Variants in CADPS2 observed in about 807,000 individuals in gnomAD.
CADPS2 encodes the protein calcium dependent secretion activator 2, also known as calcium-dependent secretion activator 2.
Under a neutral mutation model 172.5 loss-of-function variants are expected in CADPS2, and 93 were observed. That is an observed-to-expected ratio of 0.54 (90% CI 0.46 to 0.64). The LOEUF (loss-of-function observed/expected upper bound fraction) is 0.64. Among genes scored for constraint, CADPS2 ranks in the 30% least tolerant of loss-of-function variants. The pLI is 0.00. For missense variants in CADPS2, 1,420 were observed against 1,565.9 expected, an observed-to-expected ratio of 0.91 and a Z score of 1.57; for synonymous variants, 546 against 555.2, an observed-to-expected ratio of 0.98 and a Z score of 0.23.
chr7:122,860,583 C>A (rs1011414610), intron 1 of CADPS2, among the ~76,000 whole-genome samples: 1 of 151,756 alleles, frequency 6.6e-6, no homozygotes, highest in Admixed American at 6.6e-5. Context: ...TTAGAACCCC[C>A]AAGGATAAAG....
At chr7:122,578,542 C>T (rs976371258) in intron 7 of CADPS2, among the ~76,000 whole-genome samples, 6 of 152,050 alleles carry the variant, frequency 3.9e-5, no homozygotes, top group Non-Finnish European at 7.4e-5. Flanking sequence ...CCCTGCACCC[C>T]TGGGGTTTCT....
intron 3 of CADPS2, among the ~76,000 whole-genome samples, chr7:122,654,956 C>A (rs570746462): frequency 6.6e-6 from 1 of 152,160 alleles, no homozygotes; most frequent in Non-Finnish European, 1.5e-5. Context: ...CCAATCCTCA[C>A]AGACGACTTT....
intron 5 of CADPS2, among the ~76,000 whole-genome samples, chr7:122,619,300 T>G (rs1405008942): frequency 6.6e-6 from 1 of 152,146 alleles, no homozygotes; most frequent in Non-Finnish European, 1.5e-5. Context: ...ATAAAAGTTA[T>G]TTGCTCTACA....
At chr7:122,645,043 T>C (rs1250727267) in intron 3 of CADPS2, among the ~76,000 whole-genome samples, 1 of 151,834 alleles carries the variant, frequency 6.6e-6, no homozygotes, top group Non-Finnish European at 1.5e-5. Flanking sequence ...TAATTAGATA[T>C]AAAATTACCC....
intron 6 of CADPS2, among the ~76,000 whole-genome samples, chr7:122,608,594 T>A (rs941423907): frequency 9.9e-5 from 15 of 152,200 alleles, no homozygotes; most frequent in Admixed American, 3.3e-4. Flanking sequence ...TCTATCATAA[T>A]ATCCATAAAT....
At chr7:122,673,284 C>T (rs1218198098) in intron 2 of CADPS2, among the ~76,000 whole-genome samples, 3 of 152,214 alleles carry the variant, frequency 2.0e-5, no homozygotes, top group Non-Finnish European at 4.4e-5. Flanking sequence ...GCTTTTATTC[C>T]TTTATCTGGC....
At chr7:122,722,541 A>G (rs1183596390) in intron 2 of CADPS2, among the ~76,000 whole-genome samples, 1 of 151,694 alleles carries the variant, frequency 6.6e-6, no homozygotes, top group South Asian at 2.1e-4. Context: ...CGAAATAAAA[A>G]AGGACACAAA....
At chr7:122,587,737 G>A (rs1224768088) in intron 6 of CADPS2, among the ~76,000 whole-genome samples, 1 of 152,022 alleles carries the variant, frequency 6.6e-6, no homozygotes, top group African/African-American at 2.4e-5. Flanking sequence ...TATTCCTTTG[G>A]GTATATAACC....
chr7:122,810,518 GA>G (rs1799792576), intron 1 of CADPS2, among the ~76,000 whole-genome samples: 1 of 152,154 alleles, frequency 6.6e-6, no homozygotes. Context: ...AAAGTAAAAA[GA>G]ATCACCTTAA....
At chr7:122,325,228 T>G (rs2033578258) in intron 29 of CADPS2, among the ~76,000 whole-genome samples, 1 of 152,172 alleles carries the variant, frequency 6.6e-6, no homozygotes. Context: ...TTCAGGTAAC[T>G]GTGCTGGGGC....
At chr7:122,558,758 A>G (rs2065345415) in intron 7 of CADPS2, among the ~76,000 whole-genome samples, 1 of 152,194 alleles carries the variant, frequency 6.6e-6, no homozygotes, top group African/African-American at 2.4e-5. Context: ...AAAATATATA[A>G]GCTGTCACTT....
chr7:122,737,120 T>C (rs2092210893), intron 1 of CADPS2, 52 bp from the exon 2 acceptor site: 2 of 860,388 alleles, frequency 2.3e-6, no homozygotes, highest in African/African-American at 1.7e-5. Context: ...CATGAAAAAA[T>C]AATGACTATT....
intron 1 of CADPS2, among the ~76,000 whole-genome samples, chr7:122,873,726 G>A (rs1440856042): frequency 1.3e-5 from 2 of 152,106 alleles, no homozygotes; most frequent in Non-Finnish European, 2.9e-5. Flanking sequence ...TCTGGTTCTA[G>A]ATCCCAGAGG....
intron 10 of CADPS2, 61 bp from the exon 11 acceptor site, chr7:122,490,342 T>C: frequency 3.7e-6 from 5 of 1,345,392 alleles, no homozygotes; most frequent in South Asian, 2.4e-5. Context: ...TTTCGTCTCA[T>C]TCACTAACTG....
At chr7:122,711,862 A>T (rs1433803453) in intron 2 of CADPS2, among the ~76,000 whole-genome samples, 1 of 151,282 alleles carries the variant, frequency 6.6e-6, no homozygotes, top group African/African-American at 2.4e-5. Flanking sequence ...CATGTTGGTC[A>T]GGCTGGTCTC....
intron 15 of CADPS2, 28 bp downstream of exon 15, chr7:122,451,346 A>G: frequency 8.5e-7 from 1 of 1,180,634 alleles, no homozygotes; most frequent in Middle Eastern, 2.9e-4. Context: ...ATGAAAAGAA[A>G]TATTTATATT....
chr7:122,580,587 T>C (rs2068680481), intron 7 of CADPS2, among the ~76,000 whole-genome samples: 1 of 152,158 alleles, frequency 6.6e-6, no homozygotes, highest in Non-Finnish European at 1.5e-5. Flanking sequence ...GTTAATGCTT[T>C]TACTGACAGC....
chr7:122,868,998 C>G (rs148228502), intron 1 of CADPS2, among the ~76,000 whole-genome samples: 1 of 151,834 alleles, frequency 6.6e-6, no homozygotes, highest in African/African-American at 2.4e-5. Context: ...TGGAAATCAT[C>G]GAATCTGAGG....
intron 17 of CADPS2, among the ~76,000 whole-genome samples, chr7:122,430,674 G>C (rs1202518585): frequency 6.6e-6 from 1 of 152,150 alleles, no homozygotes; most frequent in East Asian, 1.9e-4. Flanking sequence ...TGAAATGGTA[G>C]CATTTTATAA....
Sources: allele counts gnomAD v4.1 joint callset (sites outside exome capture counted in the v4.1 genomes callset), GRCh38; gene constraint gnomAD v4.1.1; transcripts MANE v1.5; gene names NCBI Gene and HGNC (gene_info 2026-07-23, HGNC 2026-07-21).